SOX6: variants seen among roughly 807,000 people sequenced by gnomAD.
SOX6 encodes SRY-box transcription factor 6, also known as transcription factor SOX-6.
SOX6 carries 11 observed loss-of-function variants against 97.8 expected under a neutral mutation model. The ratio of observed to expected loss-of-function variants is 0.11; its 90% CI spans 0.07 to 0.19. SOX6 has a LOEUF of 0.19. Ranked by LOEUF, SOX6 falls within the 10% of genes least tolerant of loss-of-function variation. The pLI, the probability that SOX6 is intolerant of heterozygous loss-of-function variation, is 1.00. For synonymous variants in SOX6, 360 were observed against 371.4 expected (o/e 0.97, Z 0.35); for missense variants, 810 against 1,039.5 (o/e 0.78, Z 3.04).
intron 3 of SOX6, among the ~76,000 whole-genome samples, chr11:16,706,474 ATAT>A (rs1848136602): frequency 3.6e-4 from 5 of 13,778 alleles, no homozygotes; most frequent in Admixed American, 1.1e-3. Flanking sequence ...AAAAAAAAAT[ATAT>A]ATATATATAT....
intron 3 of SOX6, among the ~76,000 whole-genome samples, chr11:16,236,835 A>C (rs1017406188): frequency 2.0e-5 from 3 of 151,994 alleles, no homozygotes; most frequent in African/African-American, 7.2e-5. Flanking sequence ...AGGAATACAC[A>C]CTTAAACCAT....
intron 15 of SOX6, among the ~76,000 whole-genome samples, chr11:15,974,047 C>T (rs983995470): frequency 6.6e-6 from 1 of 152,182 alleles, no homozygotes. Flanking sequence ...ATATTATTTT[C>T]ATATATGCAA....
intron 1 of SOX6, chr11:16,402,534 C>G (rs907100819): frequency 1.0e-6 from 1 of 966,396 alleles, no homozygotes; most frequent in Non-Finnish European, 1.6e-6. Flanking sequence ...TGATGGCCCA[C>G]AGAAGCAAAC....
intron 3 of SOX6, among the ~76,000 whole-genome samples, chr11:16,677,414 T>C (rs1489696241): frequency 6.6e-6 from 1 of 152,204 alleles, no homozygotes; most frequent in African/African-American, 2.4e-5. Context: ...TTTGATTAGT[T>C]TCAAGTTTTA....
chr11:16,211,453 T>G (rs1852227610), intron 4 of SOX6, among the ~76,000 whole-genome samples: 2 of 17,360 alleles, frequency 1.2e-4, no homozygotes, highest in Non-Finnish European at 2.8e-4. Flanking sequence ...TTGAGGAGAG[T>G]TAAATTAAAA....
At chr11:16,152,440 C>T (rs16932630) in intron 6 of SOX6, among the ~76,000 whole-genome samples, 12,740 of 152,074 alleles carry the variant, frequency 0.084, 1,123 homozygotes, top group East Asian at 0.37. Flanking sequence ...CCAAAACAGA[C>T]CAATGGAATT....
intron 9 of SOX6, among the ~76,000 whole-genome samples, chr11:16,082,617 G>A (rs1372237229): frequency 2.0e-5 from 3 of 152,048 alleles, no homozygotes; most frequent in Non-Finnish European, 4.4e-5. Context: ...TACACTATTT[G>A]TACAGTCTCA....
chr11:16,217,545 A>T (rs2134152023), intron 4 of SOX6, among the ~76,000 whole-genome samples: 1 of 152,298 alleles, frequency 6.6e-6, no homozygotes, highest in South Asian at 2.1e-4. Context: ...AAATGTCTTA[A>T]CAGTCATAAA....
At chr11:16,050,733 T>C (rs576791705) in intron 10 of SOX6, among the ~76,000 whole-genome samples, 19 of 152,312 alleles carry the variant, frequency 1.2e-4, no homozygotes, top group Admixed American at 2.6e-4. Flanking sequence ...TCCAGGATCT[T>C]GAAAGCTAAG....
At chr11:16,405,947 G>C (rs1482434242) in intron 1 of SOX6, among the ~76,000 whole-genome samples, 1 of 152,032 alleles carries the variant, frequency 6.6e-6, no homozygotes, top group African/African-American at 2.4e-5. Context: ...TCTCGACAAA[G>C]GGTATATTGT....
intron 7 of SOX6, 68 bp from the exon 8 acceptor site, chr11:16,097,756 A>T: frequency 7.2e-7 from 1 of 1,392,398 alleles, no homozygotes; most frequent in South Asian, 1.2e-5. Context: ...AAGTACAAAC[A>T]TGGTCCTTGG....
intron 4 of SOX6, among the ~76,000 whole-genome samples, chr11:16,503,761 T>C (rs1182246760): frequency 3.9e-5 from 6 of 152,050 alleles, no homozygotes; most frequent in South Asian, 2.1e-4. Flanking sequence ...TCTAAATTTA[T>C]CGGTTGGGCA....
chr11:16,238,863 T>C (rs1853102334), intron 3 of SOX6, among the ~76,000 whole-genome samples: 5 of 152,160 alleles, frequency 3.3e-5, no homozygotes. Context: ...TATGTGCAGA[T>C]TTTCTGTTGC....
At chr11:16,080,079 T>TA (rs1245983308) in intron 9 of SOX6, among the ~76,000 whole-genome samples, 1 of 149,142 alleles carries the variant, frequency 6.7e-6, no homozygotes, top group African/African-American at 2.5e-5. Context: ...CCCTAAAACT[T>TA]AAAGTATAAT....
chr11:16,416,202 C>T (rs1393929), intron 1 of SOX6, among the ~76,000 whole-genome samples: 151,548 of 152,270 alleles, frequency 1, 75,420 homozygotes, highest in Middle Eastern at 1. Flanking sequence ...CAAACTTTAA[C>T]AGAAAGAAAA....
chr11:15,982,482 G>A (rs2119817308), intron 15 of SOX6, among the ~76,000 whole-genome samples: 1 of 152,050 alleles, frequency 6.6e-6, no homozygotes, highest in East Asian at 1.9e-4. Flanking sequence ...ATGGGGGATT[G>A]GTTCCAGGAC....
chr11:16,287,469 T>C (rs1199470792), intron 3 of SOX6, among the ~76,000 whole-genome samples: 2 of 151,976 alleles, frequency 1.3e-5, no homozygotes, highest in Non-Finnish European at 2.9e-5. Flanking sequence ...AGGGCCCCAT[T>C]AAACTCAAGT....
At chr11:16,442,764 C>T (rs551752957) in intron 1 of SOX6, among the ~76,000 whole-genome samples, 25 of 152,168 alleles carry the variant, frequency 1.6e-4, no homozygotes, top group African/African-American at 4.8e-4. Context: ...CATCACACTC[C>T]GTACAACTTC....
chr11:16,372,797 G>A (rs537649473), intron 1 of SOX6, among the ~76,000 whole-genome samples: 4 of 152,064 alleles, frequency 2.6e-5, no homozygotes, highest in African/African-American at 2.4e-5. Flanking sequence ...AGCTGGACAC[G>A]TGGATGGAAC....
Sources: allele counts gnomAD v4.1 joint callset (sites outside exome capture counted in the v4.1 genomes callset), GRCh38; gene constraint gnomAD v4.1.1; transcripts MANE v1.5; gene names NCBI Gene and HGNC (gene_info 2026-07-23, HGNC 2026-07-21).